The following SLC35F1 variants were observed in gnomAD, a reference collection of about 807,000 sequenced individuals.
The protein encoded by SLC35F1 is chromosome 6 open reading frame 169.
SLC35F1 carries 14 observed loss-of-function variants against 48.7 expected under a neutral mutation model. The ratio of observed to expected loss-of-function variants is 0.29; its 90% CI spans 0.19 to 0.45. SLC35F1 has a LOEUF of 0.45. SLC35F1 is among the 20% of genes least tolerant of loss of function. SLC35F1 has a pLI of 1.00. For synonymous variants in SLC35F1, 190 were observed against 202.2 expected (o/e 0.94, Z 0.51); for missense variants, 404 against 500.0 (o/e 0.81, Z 1.83).
intron 1 of SLC35F1, chr6:117,999,167 ATGAGTGC>A (rs1280686892): frequency 1.9e-6 from 3 of 1,594,644 alleles, no homozygotes; most frequent in Non-Finnish European, 2.6e-6. Context: ...TGCCAAGGCC[ATGAGTGC>A]ACGTGCCGAG....
At chr6:118,266,042 A>G (rs1256878648) in intron 3 of SLC35F1, among the ~76,000 whole-genome samples, 1 of 152,192 alleles carries the variant, frequency 6.6e-6, no homozygotes, top group African/African-American at 2.4e-5. Flanking sequence ...TTTAAGAATT[A>G]CTTTCATATG....
intron 1 of SLC35F1, among the ~76,000 whole-genome samples, chr6:118,055,550 A>G (rs1313160714): frequency 6.6e-6 from 1 of 152,230 alleles, no homozygotes; most frequent in African/African-American, 2.4e-5. Flanking sequence ...GCATAAGTCA[A>G]AGAACTGGGC....
chr6:118,217,614 T>C (rs1436575496), intron 2 of SLC35F1, among the ~76,000 whole-genome samples: 1 of 152,158 alleles, frequency 6.6e-6, no homozygotes, highest in Non-Finnish European at 1.5e-5. Flanking sequence ...AATAGTTAGA[T>C]GGTAAATGTT....
chr6:118,008,889 C>T (rs1029819563), intron 1 of SLC35F1, among the ~76,000 whole-genome samples: 2 of 152,132 alleles, frequency 1.3e-5, no homozygotes, highest in African/African-American at 4.8e-5. Flanking sequence ...CTCTTCTGCT[C>T]ATGTTTTCAT....
intron 2 of SLC35F1, among the ~76,000 whole-genome samples, chr6:118,161,794 G>T (rs1774238288): frequency 6.6e-6 from 1 of 152,168 alleles, no homozygotes; most frequent in African/African-American, 2.4e-5. Flanking sequence ...CAGATTTGGG[G>T]CTGTGATGTT....
At chr6:118,084,352 A>G (rs183269600) in intron 1 of SLC35F1, among the ~76,000 whole-genome samples, 198 of 152,224 alleles carry the variant, frequency 1.3e-3, no homozygotes, top group African/African-American at 4.5e-3. Context: ...TGGAATGGAT[A>G]TTTTAAAAGA....
At chr6:118,039,576 A>G (rs1772181541) in intron 1 of SLC35F1, among the ~76,000 whole-genome samples, 2 of 151,336 alleles carry the variant, frequency 1.3e-5, no homozygotes, top group African/African-American at 2.4e-5. Flanking sequence ...GATAATTTCT[A>G]TTGGTCTATT....
At chr6:117,947,088 G>C (rs959344674) in intron 1 of SLC35F1, among the ~76,000 whole-genome samples, 1 of 152,140 alleles carries the variant, frequency 6.6e-6, no homozygotes, top group African/African-American at 2.4e-5. Context: ...GAATTGGAAG[G>C]GTAATATAAA....
intron 1 of SLC35F1, among the ~76,000 whole-genome samples, chr6:117,961,893 A>G (rs1776502818): frequency 6.6e-6 from 1 of 152,192 alleles, no homozygotes; most frequent in Admixed American, 6.5e-5. Context: ...CAGTTTATAC[A>G]TAAATATATG....
chr6:118,030,040 A>T (rs1264186970), intron 1 of SLC35F1, among the ~76,000 whole-genome samples: 1 of 152,150 alleles, frequency 6.6e-6, no homozygotes, highest in African/African-American at 2.4e-5. Flanking sequence ...GAAAGGAGAT[A>T]CAAGGTGTCG....
rs187131592 is a variant in SLC35F1, at chr6:118,101,755, C to T, written c.174-52690C>T. Among the ~76,000 whole-genome samples, 278 of 152,290 alleles carry T rather than the reference C, an allele frequency of 1.8e-3. 1 individual carries two copies. Among genetic ancestry groups the T allele is most frequent in the Non-Finnish European group, 2.7e-3 (185 of 68,016 alleles). ...AGGGGTGGGCTCGAAGGGAAGCATG[C>T]TATGCATGGATGGAGCTTTTTATTT... is the stretch of plus-strand genomic sequence containing the variant. On this transcript the variant is annotated intron_variant, in intron 1 of 7. Transcript: ENST00000360388.
chr6:118,010,793 A>G (rs1410751953), intron 1 of SLC35F1, among the ~76,000 whole-genome samples: 1 of 152,206 alleles, frequency 6.6e-6, no homozygotes, highest in Non-Finnish European at 1.5e-5. Flanking sequence ...ATTAGAGAAA[A>G]TAATCTCTCA....
chr6:118,089,729 A>T (rs1017308712), intron 1 of SLC35F1, among the ~76,000 whole-genome samples: 1 of 152,162 alleles, frequency 6.6e-6, no homozygotes, highest in African/African-American at 2.4e-5. Context: ...TTGTCAGCAA[A>T]TGTCATCTCT....
At chr6:118,303,592 C>T (rs768347451) in intron 7 of SLC35F1, among the ~76,000 whole-genome samples, 8 of 152,154 alleles carry the variant, frequency 5.3e-5, no homozygotes, top group Non-Finnish European at 1.0e-4. Context: ...CTATGCTTAT[C>T]GTGGTACTCT....
chr6:118,189,362 T>C (rs1342341724), intron 2 of SLC35F1, among the ~76,000 whole-genome samples: 2 of 152,210 alleles, frequency 1.3e-5, no homozygotes, highest in African/African-American at 4.8e-5. Flanking sequence ...TAATGATTAG[T>C]GATGTTGAGC....
rs1776035571 is a variant in SLC35F1 at position 118,285,266 on chromosome 6, T to C, written c.930T>C (p.Thr310=). The change falls in exon 7 of 8, where the codon ACT becomes ACC. Residue 310 remains threonine, a synonymous_variant. Transcript: ENST00000360388. ...TCGTCATAAAGAAAACCAGTGCCAC[T>C]TCAGTCAACCTCTCCTTGCTCACAG... The part of the protein sequence containing the change: ...MPVVIKKTSA[T]SVNLSLLTAD... 6.2e-7 allele frequency: 1 copy of C among 1,614,054 alleles called. No individual in the cohort carries two copies. The highest frequency in any genetic ancestry group is 8.5e-7 in the Non-Finnish European group (1 of 1,179,918).
In SLC35F1 at chr6:118,244,573, A is replaced by G. The variant is rs56822560; in HGVS notation, c.477+8937A>G. Among the ~76,000 whole-genome samples, 1,516 of 152,370 alleles carry G rather than the reference A, an allele frequency of 9.9e-3. 28 individuals carry two copies. Among genetic ancestry groups the G allele is most frequent in the African/African-American group, 0.035 (1,442 of 41,584 alleles). On this transcript the variant is annotated intron_variant, in intron 3 of 7. Coordinates refer to ENST00000360388, the MANE Select transcript of SLC35F1 (RefSeq NM_001029858.4). The stretch of plus-strand genomic sequence containing the variant: ...GTATCTCTCACCCTTTCCTTCAACT[A>G]CATTCTGTAACAGCCATGTTTGCAA...
At chr6:118,106,783 A>T (rs1172541957) in intron 1 of SLC35F1, among the ~76,000 whole-genome samples, 2 of 152,030 alleles carry the variant, frequency 1.3e-5, no homozygotes, top group Non-Finnish European at 2.9e-5. Context: ...ATTTTCTCCC[A>T]CTTCCTCTGG....
intron 1 of SLC35F1, among the ~76,000 whole-genome samples, chr6:117,948,400 C>T (rs1445457897): frequency 6.6e-6 from 1 of 152,094 alleles, no homozygotes; most frequent in African/African-American, 2.4e-5. Flanking sequence ...CTCTAACTCA[C>T]GTTCATATAA....
Sources: allele counts gnomAD v4.1 joint callset (sites outside exome capture counted in the v4.1 genomes callset), GRCh38; gene constraint gnomAD v4.1.1; transcripts MANE v1.5; gene names NCBI Gene and HGNC (gene_info 2026-07-23, HGNC 2026-07-21).